The following EYS variants were observed in gnomAD, a reference collection of about 807,000 sequenced individuals.
EYS encodes the protein EGF-like photoreceptor maintenance factor.
Under a neutral mutation model 282.1 loss-of-function variants are expected in EYS, and 250 were observed. The observed-to-expected ratio is 0.89, with a 90% CI of 0.80 to 0.98. EYS has a LOEUF of 0.98. EYS is among the 50% of genes least tolerant of loss of function. The pLI, the probability that EYS is intolerant of heterozygous loss-of-function variation, is 0.00. For synonymous variants in EYS, 1,355 were observed against 1,282.9 expected (o/e 1.06, Z -1.20); for missense variants, 4,016 against 3,709.0 (o/e 1.08, Z -2.15).
chr6:64,007,316 T>G (rs1768395865), intron 33 of EYS, among the ~76,000 whole-genome samples: 1 of 152,040 alleles, frequency 6.6e-6, no homozygotes, highest in East Asian at 1.9e-4. Context: ...AGGTTTTTTG[T>G]TTTTCTGTGG....
chr6:63,788,037 T>C (rs1770410206), intron 39 of EYS, 68 bp downstream of exon 39: 1 of 1,254,894 alleles, frequency 8.0e-7, no homozygotes, highest in African/African-American at 1.6e-5. Context: ...AAGTATACTC[T>C]TTAAAATATT....
chr6:64,384,685 A>G (rs1184769824), intron 29 of EYS, among the ~76,000 whole-genome samples: 1 of 152,206 alleles, frequency 6.6e-6, no homozygotes, highest in Non-Finnish European at 1.5e-5. Context: ...TTAAAGCACT[A>G]CCAAGGAAAG....
chr6:65,620,923 T>C (rs921034194), intron 2 of EYS, among the ~76,000 whole-genome samples: 11 of 152,202 alleles, frequency 7.2e-5, no homozygotes, highest in African/African-American at 2.7e-4. Flanking sequence ...AGAGACAGTT[T>C]GTTATCATTT....
intron 5 of EYS, among the ~76,000 whole-genome samples, chr6:65,472,863 T>A (rs1021601043): frequency 6.6e-6 from 1 of 152,020 alleles, no homozygotes; most frequent in African/African-American, 2.4e-5. Context: ...AAGATTTATT[T>A]TTTTTTAATA....
intron 5 of EYS, among the ~76,000 whole-genome samples, chr6:65,445,880 T>A (rs1768634145): frequency 1.3e-5 from 2 of 151,828 alleles, no homozygotes. Context: ...GTTTCCATAA[T>A]TTTATGATAT....
Position 65,295,076 on chromosome 6 carries a change from T to C in EYS, c.2023+787A>G, listed in dbSNP as rs75611020. Among the ~76,000 whole-genome samples the C allele has an allele frequency of 2.0e-5, 3 of 152,048 alleles. No individual in the cohort carries two copies. The East Asian group carries it at 5.8e-4, about 29-fold the overall frequency. On this transcript the variant is annotated intron_variant, in intron 12 of 42. Coordinates refer to ENST00000503581, the MANE Select transcript of EYS (RefSeq NM_001142800.2). ...CAAGCAGGGAAAATATTTTTCATGT[T>C]ACGATGAAAATCCAAATAACTTTTC... is the stretch of plus-strand genomic sequence containing the variant.
At chr6:64,598,543 A>G (rs1766660559) in intron 24 of EYS, among the ~76,000 whole-genome samples, 1 of 152,202 alleles carries the variant, frequency 6.6e-6, no homozygotes, top group South Asian at 2.1e-4. Flanking sequence ...GACTTAAAAA[A>G]TTATTTTCTT....
chr6:64,678,142 C>T (rs956165611), intron 22 of EYS, among the ~76,000 whole-genome samples: 1 of 151,956 alleles, frequency 6.6e-6, no homozygotes, highest in Admixed American at 6.5e-5. Flanking sequence ...GTCCTTTTGT[C>T]ACATCTCTAC....
intron 2 of EYS, among the ~76,000 whole-genome samples, chr6:65,627,537 G>C (rs538836415): frequency 3.9e-5 from 6 of 152,162 alleles, no homozygotes; most frequent in Non-Finnish European, 7.4e-5. Context: ...GGAGAGGTGC[G>C]AGCAGGAACC....
At chr6:65,282,517 T>A (rs1208884466) in intron 12 of EYS, among the ~76,000 whole-genome samples, 1 of 152,042 alleles carries the variant, frequency 6.6e-6, no homozygotes, top group Non-Finnish European at 1.5e-5. Context: ...GTGAGCAAAT[T>A]TTTAAGTATG....
At chr6:64,187,412 A>G (rs1211681918) in intron 31 of EYS, among the ~76,000 whole-genome samples, 1 of 152,192 alleles carries the variant, frequency 6.6e-6, no homozygotes, top group Non-Finnish European at 1.5e-5. Flanking sequence ...TAGAGAAATC[A>G]TGGTGGTTAC....
chr6:63,848,838 T>C (rs1207409288), intron 36 of EYS, among the ~76,000 whole-genome samples: 2 of 152,056 alleles, frequency 1.3e-5, no homozygotes, highest in Non-Finnish European at 2.9e-5. Context: ...GACAGAACTG[T>C]TCACTCCTCT....
At chr6:63,983,855 A>G (rs1040636224) in intron 35 of EYS, among the ~76,000 whole-genome samples, 13 of 151,794 alleles carry the variant, frequency 8.6e-5, no homozygotes, top group African/African-American at 2.9e-4. Flanking sequence ...AATCTTCTTA[A>G]GTTTATAAGC....
intron 35 of EYS, among the ~76,000 whole-genome samples, chr6:63,900,325 G>A (rs1350766042): frequency 1.3e-5 from 2 of 152,136 alleles, no homozygotes; most frequent in African/African-American, 2.4e-5. Context: ...AAATGCCCTT[G>A]CTTTATAATA....
chr6:65,533,647 T>C (rs1309675260), intron 2 of EYS, among the ~76,000 whole-genome samples: 3 of 152,070 alleles, frequency 2.0e-5, no homozygotes, highest in African/African-American at 7.2e-5. Flanking sequence ...AATAAGTGCC[T>C]TTATAAAAGA....
intron 9 of EYS, among the ~76,000 whole-genome samples, chr6:65,349,577 C>T (rs1448477762): frequency 6.6e-6 from 1 of 151,378 alleles, no homozygotes; most frequent in African/African-American, 2.4e-5. Context: ...TGATATACAA[C>T]ATGATATTTT....
chr6:64,453,246 A>C (rs1775426961), intron 26 of EYS, among the ~76,000 whole-genome samples: 1 of 152,176 alleles, frequency 6.6e-6, no homozygotes, highest in African/African-American at 2.4e-5. Context: ...GCCAAAATAC[A>C]CATGAAAAAA....
At chr6:64,012,709 A>G (rs535210510) in intron 33 of EYS, among the ~76,000 whole-genome samples, 13 of 152,302 alleles carry the variant, frequency 8.5e-5, no homozygotes, top group African/African-American at 3.1e-4. Flanking sequence ...TGGTTTTCAT[A>G]CAGCCCTATC....
chr6:65,228,299 G>A (rs918806673), intron 12 of EYS, among the ~76,000 whole-genome samples: 4 of 151,964 alleles, frequency 2.6e-5, no homozygotes, highest in South Asian at 2.1e-4. Context: ...TGTCTATGTG[G>A]AATATCCTAC....
Sources: gnomAD v4.1 joint callset for allele counts (sites outside exome capture counted in the v4.1 genomes callset) on GRCh38, gnomAD v4.1.1 for gene constraint, MANE v1.5 for transcripts, NCBI Gene and HGNC (gene_info 2026-07-23, HGNC 2026-07-21) for gene names.